Variants in SLC25A23 observed in about 807,000 individuals in gnomAD.
SLC25A23 encodes the protein solute carrier family 25 member 23, also known as mitochondrial adenyl nucleotide antiporter SLC25A23.
SLC25A23 carries 32 observed loss-of-function variants against 53.9 expected under a neutral mutation model. The observed-to-expected ratio is 0.59, with a 90% confidence interval of 0.45 to 0.80. SLC25A23 has a LOEUF of 0.80. Among genes scored for constraint, SLC25A23 ranks in the 30% least tolerant of loss-of-function variants. SLC25A23 has a pLI of 0.00. For synonymous variants in SLC25A23, 275 were observed against 264.5 expected (o/e 1.04, Z -0.38); for missense variants, 575 against 651.4 (o/e 0.88, Z 1.28).
At chr19:6,443,051 G>C (rs546374643) in intron 9 of SLC25A23, among the ~76,000 whole-genome samples, 1 of 150,416 alleles carries the variant, frequency 6.6e-6, no homozygotes, top group East Asian at 2.0e-4. Context: ...TGATTCTCCT[G>C]CCTCAGCCTC....
At chr19:6,457,152 A>G (rs173230) in intron 3 of SLC25A23, among the ~76,000 whole-genome samples, 79,533 of 146,942 alleles carry the variant, frequency 0.54, 22,152 homozygotes, top group African/African-American at 0.66. Context: ...TGCAACCTCC[A>G]CCTCTTGGGT....
intron 8 of SLC25A23, among the ~76,000 whole-genome samples, chr19:6,445,179 G>T (rs946904934): frequency 6.6e-6 from 1 of 151,540 alleles, no homozygotes; most frequent in African/African-American, 2.4e-5. Context: ...GTGCAATCTC[G>T]GCTGACTGCA....
Position 6,459,546 on chromosome 19 carries a change from C to G in SLC25A23, c.83G>C (p.Arg28Pro). The G allele has an allele frequency of 1.3e-6, 2 of 1,599,016 alleles. No individual in the cohort carries two copies. Among genetic ancestry groups the G allele is most frequent in the Non-Finnish European group, 1.7e-6 (2 of 1,177,004 alleles). The change falls in exon 1 of 10, where the codon CGC becomes CCC. Residue 28 changes from arginine to proline, a missense_variant. Transcript: ENST00000301454. The surrounding 1 kb of genome is among the most constrained non-coding windows in gnomAD (Gnocchi z 4.6). ...FEELDSNKDGRVDVHELRQGL... is the reference protein window; with the variant it reads ...FEELDSNKDGPVDVHELRQGL... ...CTGGCGCAACTCGTGCACGTCCACG[C>G]GGCCATCCTTGTTACTGTCCAGCTC...
intron 9 of SLC25A23, 126 bp downstream of exon 9, chr19:6,444,025 G>T: frequency 9.8e-7 from 1 of 1,020,368 alleles, no homozygotes; most frequent in Non-Finnish European, 1.4e-6. Context: ...TGTCACAAAT[G>T]GGGAAACGGA....
chr19:6,452,799 C>G (rs2092611409), intron 7 of SLC25A23, among the ~76,000 whole-genome samples: 1 of 152,164 alleles, frequency 6.6e-6, no homozygotes, highest in African/African-American at 2.4e-5. Flanking sequence ...AGTGATCCTC[C>G]CCTCTCCATC....
downstream of SLC25A23, chr19:6,436,517 G>A (rs111770937): frequency 0.028 from 12,636 of 451,010 alleles, 413 homozygotes; most frequent in African/African-American, 0.11. Context: ...GAGAGAGCAT[G>A]TAACCAATAA....
rs1199678168 is a variant in SLC25A23, at chr19:6,441,094, G to T, written c.*881C>A. On this transcript the variant is annotated 3_prime_UTR_variant, in exon 10 of 10. Coordinates refer to ENST00000301454, the MANE Select transcript of SLC25A23 (RefSeq NM_024103.3). ...TGTTTTAGGAGCCAGAATCTGGTGG[G>T]TGAAGGCTTGGGAATCTGGGATCCA... 2.6e-5 allele frequency: 4 copies of T among 152,216 alleles called. No homozygotes were observed. Among genetic ancestry groups the T allele is most frequent in the African/African-American group, 9.6e-5 (4 of 41,452 alleles). 9.4% of individuals were successfully genotyped at this position (152,216 alleles called of 1,614,324 possible).
intron 4 of SLC25A23, among the ~76,000 whole-genome samples, chr19:6,455,678 T>C (rs1419612595): frequency 2.0e-5 from 3 of 148,464 alleles, no homozygotes; most frequent in Non-Finnish European, 4.5e-5. Context: ...CCCTCTCTAG[T>C]GGCTCCCATT....
Position 6,441,759 on chromosome 19 carries a change from G to GA in SLC25A23, c.*215dup. The GA allele has an allele frequency of 1.7e-6, 1 of 574,964 alleles. No homozygotes were observed. The highest frequency in any genetic ancestry group is 3.0e-5 in the East Asian group (1 of 33,604). The allele number at this position is 574,964 out of a possible 1,614,324, so 35.6% of individuals were successfully genotyped here. A position where few individuals can be genotyped will look rare whatever the true frequency, so the allele number is the denominator to read the frequency against. Reference sequence around the variant, plus strand: ...TGGGATCTAGTGGCTGAAGGGTGGGGATCGCATGACCCAGTGGTTGGGGCA... The same window carrying GA: ...TGGGATCTAGTGGCTGAAGGGTGGGGAATCGCATGACCCAGTGGTTGGGGCA... On this transcript the variant is annotated 3_prime_UTR_variant, in exon 10 of 10. Coordinates refer to ENST00000301454, the MANE Select transcript of SLC25A23 (RefSeq NM_024103.3).
At chr19:6,452,603 C>A in intron 7 of SLC25A23, 124 bp from the exon 8 acceptor site, 1 of 1,175,610 alleles carries the variant, frequency 8.5e-7, no homozygotes, top group Non-Finnish European at 1.2e-6. Flanking sequence ...ATTTTAAAAA[C>A]CACCTACTCT....
chr19:6,447,504 GAC>G (rs1377548672), intron 8 of SLC25A23, among the ~76,000 whole-genome samples: 1 of 151,898 alleles, frequency 6.6e-6, no homozygotes, highest in Non-Finnish European at 1.5e-5. Flanking sequence ...TATTTTTTGA[GAC>G]ACAGTCTCAC....
At chr19:6,450,380 G>A (rs753788791) in intron 8 of SLC25A23, among the ~76,000 whole-genome samples, 26 of 151,990 alleles carry the variant, frequency 1.7e-4, no homozygotes, top group South Asian at 4.2e-4. Context: ...CCCCCCTCCC[G>A]CCCACTGTTA....
chr19:6,452,387 A>C lies in SLC25A23; in HGVS notation c.996T>G (p.Arg332=), dbSNP rs2092605263. The C allele has an allele frequency of 6.2e-7, 1 of 1,613,640 alleles. No individual in the cohort carries two copies. The highest frequency in any genetic ancestry group is 8.5e-7 in the Non-Finnish European group (1 of 1,179,912). The part of the protein sequence containing the change: ...ARRILEREGP[R]AFYRGYLPNV... ...TGGGGAGGTAGCCGCGGTAGAAGGC[A>C]CGGGGCCCCTCCCTCTCCAGGATAC... Residue 332 remains arginine (R), a synonymous_variant, in exon 8 of 10, where the codon CGT becomes CGG. Transcript: ENST00000301454.
In SLC25A23 at chr19:6,456,439, T is replaced by A. The variant is rs779208068; in HGVS notation, c.464A>T (p.Tyr155Phe). The A allele has an allele frequency of 1.2e-6, 2 of 1,613,936 alleles. No homozygotes were observed. Among genetic ancestry groups the A allele is most frequent in the South Asian group, 2.2e-5 (2 of 91,074 alleles). ...CCTCACCGTGGAATGCTTCCAGAAA[T>A]ACAGCACGTCCTCCACATTTTCCAG... is the stretch of plus-strand genomic sequence containing the variant. ...HSLENVEDVL[Y>F]FWKHSTVLDI... The change falls in exon 4 of 10, where the codon TAT becomes TTT. Residue 155 changes from tyrosine (Y) to phenylalanine (F), a missense_variant. Coordinates refer to ENST00000301454, the MANE Select transcript of SLC25A23 (RefSeq NM_024103.3).
chr19:6,441,989 C>T lies in SLC25A23; in HGVS notation c.1393G>A (p.Val465Ile). ...CTCCGGGTCCCTCACCTGGACGTGA[C>T]CCCCAAGGCCTGCTTCATGTTCTCG... Reference protein sequence around the residue: ...VYENMKQALGVTSR With the variant: ...VYENMKQALGITSR The change falls in exon 10 of 10, where the codon GTC (valine) becomes ATC (isoleucine). Residue 465 changes from valine (V) to isoleucine (I), a missense_variant. By Grantham distance (29) the Val-to-Ile change is conservative (BLOSUM62 3). Coordinates refer to ENST00000301454, the MANE Select transcript of SLC25A23 (RefSeq NM_024103.3). The T allele has an allele frequency of 6.2e-7, 1 of 1,613,666 alleles. No homozygotes were observed. The highest frequency in any genetic ancestry group is 8.5e-7 in the Non-Finnish European group (1 of 1,179,856).
At chr19:6,457,763 TCA>T (rs2092701600) in intron 2 of SLC25A23, among the ~76,000 whole-genome samples, 173 bp from the exon 3 acceptor site, 1 of 151,154 alleles carries the variant, frequency 6.6e-6, no homozygotes, top group Non-Finnish European at 1.5e-5. Flanking sequence ...CTCACTGGGG[TCA>T]GAGAGGTGGA....
chr19:6,444,430 C>T, intron 8 of SLC25A23, 129 bp from the exon 9 acceptor site: 1 of 977,228 alleles, frequency 1.0e-6, no homozygotes, highest in Non-Finnish European at 1.5e-6. Context: ...CTCCTAGGGG[C>T]CGGGCCAGCC....
At chr19:6,444,834 ATTTTTTG>A (rs59633345) in intron 8 of SLC25A23, among the ~76,000 whole-genome samples, 1,619 of 151,434 alleles carry the variant, frequency 0.011, 31 homozygotes, top group African/African-American at 0.038. Flanking sequence ...CACCTGGCTA[ATTTTTTG>A]TATTTTTAGT....
chr19:6,442,184 AG>A, intron 9 of SLC25A23, 25 bp from the exon 10 acceptor site: 1 of 1,461,646 alleles, frequency 6.8e-7, no homozygotes, highest in Non-Finnish European at 9.1e-7. Flanking sequence ...GGGGGGCACC[AG>A]GTAAGGCCAA....
Sources: gnomAD v4.1 joint callset for allele counts (sites outside exome capture counted in the v4.1 genomes callset) on GRCh38, gnomAD v4.1.1 for gene constraint, Gnocchi (gnomAD v3.1) non-coding constraint, MANE v1.5 for transcripts, NCBI Gene and HGNC (gene_info 2026-07-23, HGNC 2026-07-21) for gene names.